CELF2: variants seen among roughly 807,000 people sequenced by gnomAD.
CELF2 encodes CUGBP Elav-like family member 2, also known as CUG triplet repeat RNA-binding protein 2.
CELF2 carries 8 observed loss-of-function variants against 62.6 expected under a neutral mutation model. The ratio of observed to expected loss-of-function variants is 0.13; its 90% CI spans 0.07 to 0.23. The LOEUF (loss-of-function observed/expected upper bound fraction) is 0.23. Among genes scored for constraint, CELF2 ranks in the 10% least tolerant of loss-of-function variants. CELF2 has a pLI of 1.00. For synonymous variants in CELF2, 258 were observed against 250.0 expected (o/e 1.03, Z -0.30); for missense variants, 333 against 671.0 (o/e 0.50, Z 5.56).
rs2065397366 is a variant in CELF2, at chr10:11,223,147, C to G, written c.354+5640C>G. Among the ~76,000 whole-genome samples the G allele has an allele frequency of 2.0e-5, 3 of 152,300 alleles. No individual in the cohort carries two copies. The South Asian group carries it at 6.2e-4, about 32-fold the overall frequency. On this transcript the variant is annotated intron_variant, in intron 3 of 12. Coordinates refer to ENST00000633077, the MANE Select transcript of CELF2 (RefSeq NM_001326342.2). This position sits in a 1 kb window ranked among gnomAD's most constrained non-coding sequence, Gnocchi z 5.1. ...CTTTGAGTCCGGATCATGGCAGATT[C>G]ATGGTGCGTGTTAGAGAGGGTGCTT...
At chr10:10,920,056 G>A (rs1008387021) in intron 2 of CELF2, 8 of 1,142,012 alleles carry the variant, frequency 7.0e-6, no homozygotes, top group Middle Eastern at 6.4e-4. Flanking sequence ...ACAAAGAGAA[G>A]TACTGTGCCA....
At chr10:11,205,123 A>G (rs1248063310) in intron 2 of CELF2, among the ~76,000 whole-genome samples, 1 of 152,212 alleles carries the variant, frequency 6.6e-6, no homozygotes, top group African/African-American at 2.4e-5. Context: ...AGAGTATTCA[A>G]AGGCCATGCG....
intron 1 of CELF2, among the ~76,000 whole-genome samples, chr10:11,113,178 G>A (rs1447165924): frequency 6.6e-6 from 1 of 152,216 alleles, no homozygotes; most frequent in Non-Finnish European, 1.5e-5. Context: ...GCTTTCACTT[G>A]CATTCTAACC....
chr10:11,055,826 C>T (rs1015559678), intron 1 of CELF2, among the ~76,000 whole-genome samples: 2 of 152,198 alleles, frequency 1.3e-5, no homozygotes, highest in African/African-American at 4.8e-5. Flanking sequence ...GAGTATCCCC[C>T]ATCTAGCCAT....
At chr10:10,696,255 C>T in the CELF2 span, among the ~76,000 whole-genome samples, 5 of 151,828 alleles carry the variant, frequency 3.3e-5, no homozygotes, top group Non-Finnish European at 5.9e-5. Flanking sequence ...TGTTGGAGTA[C>T]CCTGCCGTGT....
At chr10:11,289,683 ATACCGT>A (rs2092185286) in intron 9 of CELF2, among the ~76,000 whole-genome samples, 1 of 152,226 alleles carries the variant, frequency 6.6e-6, no homozygotes, top group Admixed American at 6.5e-5. Flanking sequence ...CTTCAAAAAC[ATACCGT>A]TACTGTATGA....
intron 1 of CELF2, among the ~76,000 whole-genome samples, chr10:10,871,968 G>A (rs1047813095): frequency 2.6e-5 from 4 of 152,034 alleles, no homozygotes; most frequent in Non-Finnish European, 4.4e-5. Context: ...TTGCCTATTT[G>A]ACAAAAATTT....
At chr10:10,639,031 G>A in the CELF2 span, among the ~76,000 whole-genome samples, 1 of 152,154 alleles carries the variant, frequency 6.6e-6, no homozygotes, top group Admixed American at 6.5e-5. Context: ...CTTCCTCTGT[G>A]ATTCAATGTT....
the CELF2 span, among the ~76,000 whole-genome samples, chr10:10,680,833 G>A: frequency 4.7e-4 from 72 of 152,224 alleles, no homozygotes; most frequent in African/African-American, 1.7e-3. Context: ...TGTTTACTAC[G>A]TATATATGAA....
intron 11 of CELF2, among the ~76,000 whole-genome samples, chr10:11,325,316 G>C (rs1035215136): frequency 6.6e-6 from 1 of 152,202 alleles, no homozygotes; most frequent in East Asian, 1.9e-4. Context: ...TTATTAGACT[G>C]TGTGTTAAGA....
chr10:10,644,164 C>T, the CELF2 span, among the ~76,000 whole-genome samples: 1 of 152,238 alleles, frequency 6.6e-6, no homozygotes, highest in East Asian at 1.9e-4. Context: ...TCTGCTGCCA[C>T]GTGATAAATA....
chr10:10,751,169 C>A, the CELF2 span, among the ~76,000 whole-genome samples: 4 of 152,178 alleles, frequency 2.6e-5, no homozygotes, highest in African/African-American at 9.7e-5. Context: ...GGGAGCAAAA[C>A]CTTTCTGGGA....
chr10:11,239,003 T>C (rs1317546756), intron 3 of CELF2, among the ~76,000 whole-genome samples: 1 of 152,204 alleles, frequency 6.6e-6, no homozygotes, highest in Admixed American at 6.5e-5. Context: ...GTGTGTTTTA[T>C]ATACAGGAGG....
At chr10:10,762,063 A>G in the CELF2 span, among the ~76,000 whole-genome samples, 6 of 152,128 alleles carry the variant, frequency 3.9e-5, no homozygotes, top group African/African-American at 1.4e-4. Flanking sequence ...GAGCATATAC[A>G]TGGCAAATGA....
chr10:10,543,020 G>C, the CELF2 span, among the ~76,000 whole-genome samples: 10 of 152,302 alleles, frequency 6.6e-5, no homozygotes, highest in African/African-American at 1.2e-4. Flanking sequence ...ATGTTCAAAG[G>C]CATCCCCCTG....
chr10:10,498,082 C>T, the CELF2 span, among the ~76,000 whole-genome samples: 122 of 152,146 alleles, frequency 8.0e-4, no homozygotes, highest in Non-Finnish European at 1.2e-3. Flanking sequence ...GGTTTGCTTA[C>T]GGACCAGTTG....
the CELF2 span, among the ~76,000 whole-genome samples, chr10:10,536,866 A>G: frequency 6.6e-6 from 1 of 152,250 alleles, no homozygotes; most frequent in Admixed American, 6.5e-5. Flanking sequence ...TGGGATTATT[A>G]AAATGCAGAA....
At chr10:10,508,369 C>G in the CELF2 span, among the ~76,000 whole-genome samples, 37 of 152,306 alleles carry the variant, frequency 2.4e-4, no homozygotes, top group African/African-American at 8.7e-4. Flanking sequence ...AAGCAGCTTC[C>G]AGAATCTGCA....
chr10:11,161,328 C>G (rs908862965), intron 1 of CELF2, among the ~76,000 whole-genome samples: 2 of 152,200 alleles, frequency 1.3e-5, no homozygotes, highest in Non-Finnish European at 2.9e-5. Context: ...AGAATTGGCA[C>G]TCAGGATCTC....
Sources: gnomAD v4.1 joint callset for allele counts (sites outside exome capture counted in the v4.1 genomes callset) on GRCh38, gnomAD v4.1.1 for gene constraint, Gnocchi (gnomAD v3.1) non-coding constraint, MANE v1.5 for transcripts, NCBI Gene and HGNC (gene_info 2026-07-23, HGNC 2026-07-21) for gene names.